The following LRP2 variants were observed in gnomAD, a reference collection of about 807,000 sequenced individuals.
LRP2 encodes low-density lipoprotein receptor-related protein 2.
A neutral mutation model predicts 531.0 loss-of-function variants in LRP2; 172 were observed. The ratio of observed to expected loss-of-function variants is 0.32; its 90% CI spans 0.29 to 0.37. The LOEUF (loss-of-function observed/expected upper bound fraction) is 0.37, where lower values mean the gene tolerates loss of function less well. Among genes scored for constraint, LRP2 ranks in the 10% least tolerant of loss-of-function variants. The pLI is 1.00. For synonymous variants in LRP2, 1,992 were observed against 2,027.6 expected (o/e 0.98, Z 0.47); for missense variants, 5,167 against 5,868.3 (o/e 0.88, Z 3.90).
At chr2:169,189,819 A>G (rs1054035375) in intron 48 of LRP2, among the ~76,000 whole-genome samples, 2 of 151,724 alleles carry the variant, frequency 1.3e-5, no homozygotes, top group South Asian at 2.1e-4. Flanking sequence ...TTTCTCTTCT[A>G]CTATAGCCCT....
At chr2:169,231,032 G>T (rs1021052668) in intron 31 of LRP2, among the ~76,000 whole-genome samples, 1 of 152,142 alleles carries the variant, frequency 6.6e-6, no homozygotes, top group Non-Finnish European at 1.5e-5. Flanking sequence ...AGTGGTCCAC[G>T]TCTGTAATCC....
intron 41 of LRP2, 39 bp downstream of exon 41, chr2:169,205,440 C>T (rs749629316): frequency 1.2e-6 from 2 of 1,611,084 alleles, no homozygotes; most frequent in Non-Finnish European, 8.5e-7. Flanking sequence ...GAAGAAAAAC[C>T]TCTTCTTAAC....
At chr2:169,338,121 A>T (rs1021835798) in intron 1 of LRP2, among the ~76,000 whole-genome samples, 1 of 151,340 alleles carries the variant, frequency 6.6e-6, no homozygotes, top group Non-Finnish European at 1.5e-5. Context: ...AAAGAAAGAG[A>T]AAAAGAAATG....
intron 1 of LRP2, among the ~76,000 whole-genome samples, chr2:169,322,993 G>T (rs2105519408): frequency 6.6e-6 from 1 of 152,020 alleles, no homozygotes; most frequent in East Asian, 1.9e-4. Flanking sequence ...GGATTTGTTT[G>T]TTTTTGCCAA....
intron 46 of LRP2, among the ~76,000 whole-genome samples, chr2:169,194,346 A>T (rs1387338735): frequency 6.6e-6 from 1 of 152,068 alleles, no homozygotes; most frequent in Non-Finnish European, 1.5e-5. Context: ...CATACTAGAC[A>T]ATTTACTGAT....
chr2:169,313,288 T>C (rs1684668312), intron 3 of LRP2, among the ~76,000 whole-genome samples: 1 of 152,236 alleles, frequency 6.6e-6, no homozygotes, highest in South Asian at 2.1e-4. Flanking sequence ...AGAGGTGCTC[T>C]GATTTTTAGA....
In LRP2 at chr2:169,152,263, CA is replaced by C. The variant is rs761485465; in HGVS notation, c.12461+535del. 2.0e-5 allele frequency among the ~76,000 whole-genome samples: 3 copies of C among 152,140 alleles called. No individual in the cohort carries two copies. In the South Asian group the frequency reaches 6.2e-4, roughly 32 times the overall value. On this transcript the variant is annotated intron_variant, in intron 67 of 78. Coordinates refer to ENST00000649046, the MANE Select transcript of LRP2 (RefSeq NM_004525.3). The stretch of plus-strand genomic sequence containing the variant: ...ACTGACACCTCTATTAACTCAATTC[CA>C]AAGACTTCTTTAGTCAAATTTCCAA...
intron 9 of LRP2, among the ~76,000 whole-genome samples, chr2:169,286,180 G>A (rs1683852633): frequency 6.6e-6 from 1 of 152,190 alleles, no homozygotes; most frequent in African/African-American, 2.4e-5. Context: ...AAAACTCAGA[G>A]GCAAATGACA....
rs372938477 is a variant in LRP2, at chr2:169,170,608, G to T, written c.11323C>A (p.Arg3775=). The change falls in exon 59 of 79, where the codon CGA becomes AGA. Residue 3775 remains arginine (R), a synonymous_variant. Transcript: ENST00000649046. ...RCVNQQCIPS[R]WICDHYNDCG... ...TCGTTGTAATGGTCACAGATCCATCGCGAGGGAATGCACTGCTGATTGACA... is the reference window on the plus strand; with the variant it reads ...TCGTTGTAATGGTCACAGATCCATCTCGAGGGAATGCACTGCTGATTGACA... 6 of 1,614,112 alleles carry T rather than the reference G, an allele frequency of 3.7e-6. No individual in the cohort carries two copies. The highest frequency in any genetic ancestry group is 1.1e-5 in the South Asian group (1 of 91,084).
chr2:169,227,914 C>A (rs939132183), intron 31 of LRP2, among the ~76,000 whole-genome samples: 8 of 152,280 alleles, frequency 5.3e-5, no homozygotes, highest in African/African-American at 1.9e-4. Context: ...AGCTCTGTGA[C>A]TTCTGCAGGA....
intron 21 of LRP2, among the ~76,000 whole-genome samples, chr2:169,245,867 G>T (rs1004187935): frequency 1.3e-5 from 2 of 151,972 alleles, no homozygotes; most frequent in Non-Finnish European, 2.9e-5. Flanking sequence ...TGTTGTTGTT[G>T]TTGTTTGTTT....
rs3815680 is a variant in LRP2 at position 169,362,150 on chromosome 2, T to G, written c.79+171A>C. Among the ~76,000 whole-genome samples, 18,147 of 152,136 alleles carry G rather than the reference T, an allele frequency of 0.12. 1,269 individuals are homozygous for G. Among genetic ancestry groups the G allele is most frequent in the East Asian group, 0.31 (1,585 of 5,154 alleles). On this transcript the variant is annotated intron_variant, in intron 1 of 78. Coordinates refer to ENST00000649046, the MANE Select transcript of LRP2 (RefSeq NM_004525.3). ...GTTCCTGGCGAGCGAAGAGGGGCGC[T>G]CCCGCTCCGGCTTCGCGAAGCAACC...
At chr2:169,347,958 G>A (rs575576945) in intron 1 of LRP2, among the ~76,000 whole-genome samples, 28 of 152,240 alleles carry the variant, frequency 1.8e-4, no homozygotes, top group South Asian at 8.3e-4. Flanking sequence ...ATTTGATTAC[G>A]TACAGAGGAC....
intron 1 of LRP2, among the ~76,000 whole-genome samples, chr2:169,351,125 G>C (rs1389869238): frequency 6.6e-6 from 1 of 152,192 alleles, no homozygotes; most frequent in East Asian, 1.9e-4. Flanking sequence ...CAAGGAGGAA[G>C]TCAGGATACA....
rs781748460 is a variant in LRP2 at position 169,290,972 on chromosome 2, T to C, written c.795A>G (p.Lys265=). The C allele has an allele frequency of 1.9e-5, 31 of 1,614,082 alleles. No individual in the cohort carries two copies. Among genetic ancestry groups the C allele is most frequent in the Non-Finnish European group, 2.6e-5 (31 of 1,179,990 alleles). ...GGCAAGACCATTCTCTTGGGGAACA[T>C]TTATGAACATCATGAGGACCGCTTT... The part of the protein sequence containing the change: ...GCESGPHDVH[K]CSPREWSCPE... The change falls in exon 8 of 79, where the codon AAA becomes AAG. Residue 265 remains lysine (K), a synonymous_variant. Transcript: ENST00000649046.
Position 169,145,154 on chromosome 2 carries a change from G to C in LRP2, c.12988+593C>G, listed in dbSNP as rs73970136. Among the ~76,000 whole-genome samples the C allele has an allele frequency of 9.5e-3, 1,442 of 152,302 alleles. 23 individuals are homozygous for C. Among genetic ancestry groups the C allele is most frequent in the African/African-American group, 0.033 (1,376 of 41,568 alleles). On this transcript the variant is annotated intron_variant, in intron 70 of 78. Coordinates refer to ENST00000649046, the MANE Select transcript of LRP2 (RefSeq NM_004525.3). Reference sequence around the variant, plus strand: ...AGAGAGAATTTGACATAAGAACTTAGTAAAAGGCTATTTCCTTTCCTCACT... The same window carrying C: ...AGAGAGAATTTGACATAAGAACTTACTAAAAGGCTATTTCCTTTCCTCACT...
chr2:169,306,788 T>C (rs1684432350), intron 4 of LRP2, among the ~76,000 whole-genome samples: 1 of 152,234 alleles, frequency 6.6e-6, no homozygotes, highest in African/African-American at 2.4e-5. Context: ...TTTATATGTC[T>C]TATTTTGTGG....
chr2:169,148,743 A>G (rs1337716045), intron 68 of LRP2, among the ~76,000 whole-genome samples: 4 of 152,190 alleles, frequency 2.6e-5, no homozygotes, highest in Non-Finnish European at 5.9e-5. Context: ...GGTACACAGA[A>G]TGATTTTTGT....
chr2:169,327,092 T>G (rs1192839927), intron 1 of LRP2, among the ~76,000 whole-genome samples: 17 of 129,530 alleles, frequency 1.3e-4, no homozygotes, highest in South Asian at 2.6e-4. Flanking sequence ...GGTGGGGGGG[T>G]CAGCCCCCCG....
Sources: allele counts gnomAD v4.1 joint callset (sites outside exome capture counted in the v4.1 genomes callset), GRCh38; gene constraint gnomAD v4.1.1; transcripts MANE v1.5; gene names NCBI Gene and HGNC (gene_info 2026-07-23, HGNC 2026-07-21).